PCDH19: variants seen among roughly 807,000 people sequenced by gnomAD.
PCDH19 encodes protocadherin-19.
A neutral mutation model predicts 46.2 loss-of-function variants in PCDH19; 6 were observed. The observed-to-expected ratio is 0.13, with a 90% CI of 0.07 to 0.26. The LOEUF is 0.26. Among genes scored for constraint, PCDH19 ranks in the 10% least tolerant of loss-of-function variants. PCDH19 has a pLI of 1.00. For missense variants in PCDH19, 740 were observed against 972.3 expected, an observed-to-expected ratio of 0.76 and a Z score of 3.18; for synonymous variants, 481 against 415.7, an observed-to-expected ratio of 1.16 and a Z score of -1.91.
intron 5 of PCDH19, among the ~76,000 whole-genome samples, chrX:100,314,537 A>AGAAAGT (rs1925237737): frequency 8.9e-6 from 1 of 112,357 alleles, no homozygotes; most frequent in East Asian, 2.8e-4. Context: ...AAAGTTGTTT[A>AGAAAGT]GAAAGTAAAA....
chrX:100,403,772 CTG>C, intron 1 of PCDH19, 108 bp from the exon 2 acceptor site: 1 of 633,689 alleles, frequency 1.6e-6, no homozygotes, highest in Non-Finnish European at 2.3e-6. Flanking sequence ...TTAATTAACA[CTG>C]ACACAGACCC....
At chrX:100,321,368 T>C (rs1452494581) in intron 5 of PCDH19, among the ~76,000 whole-genome samples, 1 of 112,245 alleles carries the variant, frequency 8.9e-6, no homozygotes, top group Non-Finnish European at 1.9e-5. Flanking sequence ...GTGGTTGTAC[T>C]AGTTTACATT....
Position 100,329,994 on chromosome X carries a change from T to C in PCDH19, c.2848+11909A>G, listed in dbSNP as rs1210802243. ...TTCTGCAAATTTAAAACGGTTCACGTTTGCATATGAATGATGGTTCAGCAT... is the reference window on the plus strand; with the variant it reads ...TTCTGCAAATTTAAAACGGTTCACGCTTGCATATGAATGATGGTTCAGCAT... On this transcript the variant is annotated intron_variant, in intron 5 of 5. Coordinates refer to ENST00000373034, the MANE Select transcript of PCDH19 (RefSeq NM_001184880.2). 2.7e-5 allele frequency among the ~76,000 whole-genome samples: 3 copies of C among 112,550 alleles called. No homozygotes were observed. The East Asian group carries it at 8.3e-4, about 31-fold the overall frequency.
chrX:100,324,359 T>G (rs1401223658), intron 5 of PCDH19, among the ~76,000 whole-genome samples: 2 of 111,715 alleles, frequency 1.8e-5, no homozygotes, highest in Admixed American at 9.5e-5. Flanking sequence ...AAAGAAGGAA[T>G]GCCAAAGGGA....
chrX:100,360,737 A>G (rs1350596185), intron 3 of PCDH19, among the ~76,000 whole-genome samples: 1 of 112,112 alleles, frequency 8.9e-6, no homozygotes, highest in Non-Finnish European at 1.9e-5. Flanking sequence ...TATTAGGCAC[A>G]GAAGGAAACC....
At chrX:100,335,132 A>G (rs1383863082) in intron 5 of PCDH19, among the ~76,000 whole-genome samples, 1 of 111,433 alleles carries the variant, frequency 9.0e-6, no homozygotes, top group African/African-American at 3.3e-5. Context: ...TATTTTTCCA[A>G]TAAAATGTAA....
At chrX:100,341,845 C>T (rs1926258004) in intron 5 of PCDH19, 58 bp downstream of exon 5, 3 of 1,081,255 alleles carry the variant, frequency 2.8e-6, no homozygotes, top group Non-Finnish European at 3.8e-6. Flanking sequence ...AGTGTGCCTA[C>T]AAACATTTTG....
chrX:100,383,682 A>AT (rs1376143047), intron 3 of PCDH19, among the ~76,000 whole-genome samples: 1 of 112,444 alleles, frequency 8.9e-6, no homozygotes, highest in African/African-American at 3.2e-5. Flanking sequence ...AGTTTGGTAC[A>AT]TTTTCAATCA....
chrX:100,312,115 G>GAGAGAGAGAGA (rs1389944420), intron 5 of PCDH19, among the ~76,000 whole-genome samples: 1 of 110,290 alleles, frequency 9.1e-6, no homozygotes, highest in East Asian at 2.9e-4. Flanking sequence ...GAGAGAGAGA[G>GAGAGAGAGAGA]AGAGAGAAGA....
intron 1 of PCDH19, among the ~76,000 whole-genome samples, chrX:100,403,884 A>G (rs1928268577): frequency 8.9e-6 from 1 of 112,488 alleles, no homozygotes; most frequent in Non-Finnish European, 1.9e-5. Flanking sequence ...TTTGCACATA[A>G]TGATTCAGTT....
At chrX:100,403,439 C>T in intron 2 of PCDH19, 85 bp downstream of exon 2, 1 of 975,561 alleles carries the variant, frequency 1.0e-6, no homozygotes, top group Non-Finnish European at 1.4e-6. Flanking sequence ...TAGCCCGGTT[C>T]CCTTTTACTC....
chrX:100,407,151 C>T lies in PCDH19; in HGVS notation c.1447G>A (p.Gly483Ser), dbSNP rs776683765. Residue 483 changes from glycine to serine, a missense_variant, in exon 1 of 6, where the codon GGT becomes AGT. Around this residue, in one of 5 missense-constraint regions of PCDH19, gnomAD observed 186 missense variants for 319.9 expected, o/e 0.58. Coordinates refer to ENST00000373034, the MANE Select transcript of PCDH19 (RefSeq NM_001184880.2). ...LSVSARDPDL[G>S]LNGSVSYQIV... ...TGGTAGGAGACACTGCCGTTGAGAC[C>T]CAGGTCGGGGTCGCGAGCAGACACA... The T allele has an allele frequency of 6.6e-6, 8 of 1,211,898 alleles. No individual in the cohort carries two copies. In the Admixed American group the frequency reaches 1.5e-4, roughly 23 times the overall value.
chrX:100,409,781 C>T lies in PCDH19; in HGVS notation c.-1184G>A. On this transcript the variant is annotated 5_prime_UTR_variant, in exon 1 of 6. Coordinates refer to ENST00000373034, the MANE Select transcript of PCDH19 (RefSeq NM_001184880.2). ...TAGCTCAGTTGCACGTCGCTGGGGT[C>T]CGCCTCAGCAGCTGCCACAGTCGAC... is the stretch of plus-strand genomic sequence containing the variant. The T allele has an allele frequency of 4.5e-6, 1 of 220,656 alleles. No homozygotes were observed. The highest frequency in any genetic ancestry group is 8.0e-6 in the Non-Finnish European group (1 of 124,515). 18.2% of individuals were successfully genotyped at this position (220,656 alleles called of 1,213,427 possible).
chrX:100,388,192 ATGTG>A (rs1055988921), intron 3 of PCDH19, among the ~76,000 whole-genome samples: 3 of 110,518 alleles, frequency 2.7e-5, no homozygotes, highest in Admixed American at 9.7e-5. Flanking sequence ...GTGCATGTGT[ATGTG>A]TGTGTATGAA....
chrX:100,313,374 G>A (rs1003734167), intron 5 of PCDH19, among the ~76,000 whole-genome samples: 1 of 111,587 alleles, frequency 9.0e-6, no homozygotes, highest in Non-Finnish European at 1.9e-5. Flanking sequence ...CTCCGTTCAA[G>A]CCTGCATGAT....
intron 1 of PCDH19, among the ~76,000 whole-genome samples, chrX:100,405,299 TAGC>T (rs753296237): frequency 3.9e-3 from 436 of 111,988 alleles, no homozygotes; most frequent in Non-Finnish European, 5.3e-3. Context: ...TGGTTGTAAA[TAGC>T]AGCATCATTC....
Position 100,321,027 on chromosome X carries a change from C to T in PCDH19, c.2848+20876G>A, listed in dbSNP as rs753175662. Reference sequence around the variant, plus strand: ...CTTAGCTTCTACATATCAGTGAGAACATGTGATGTTTGGTTTTCCATTCCT... The same window carrying T: ...CTTAGCTTCTACATATCAGTGAGAATATGTGATGTTTGGTTTTCCATTCCT... On this transcript the variant is annotated intron_variant, in intron 5 of 5. Transcript: ENST00000373034. 9.2e-4 allele frequency among the ~76,000 whole-genome samples: 101 copies of T among 110,059 alleles called. 1 individual carries two copies. Among genetic ancestry groups the T allele is most frequent in the Non-Finnish European group, 1.5e-3 (80 of 52,812 alleles).
intron 5 of PCDH19, among the ~76,000 whole-genome samples, chrX:100,334,713 T>C (rs965750449): frequency 5.5e-5 from 6 of 109,242 alleles, no homozygotes; most frequent in Non-Finnish European, 1.1e-4. Context: ...TCACTCTTTT[T>C]AGAGACTCTC....
At chrX:100,387,960 T>C (rs939535173) in intron 3 of PCDH19, among the ~76,000 whole-genome samples, 10 of 111,727 alleles carry the variant, frequency 9.0e-5, no homozygotes, top group Non-Finnish European at 1.9e-4. Context: ...CATTAAAAAC[T>C]GTCTATGCCA....
Sources: allele counts gnomAD v4.1 joint callset (sites outside exome capture counted in the v4.1 genomes callset), GRCh38; gene constraint gnomAD v4.1.1; regional missense constraint gnomAD v4.1.1; transcripts MANE v1.5; gene names NCBI Gene and HGNC (gene_info 2026-07-23, HGNC 2026-07-21).